FAM110B: variants seen among roughly 807,000 people sequenced by gnomAD.
FAM110B encodes family with sequence similarity 110 member B.
A neutral mutation model predicts 20.4 loss-of-function variants in FAM110B; 6 were observed. That is an observed-to-expected ratio of 0.29 (90% confidence interval 0.16 to 0.58). The LOEUF (loss-of-function observed/expected upper bound fraction) is 0.58, where lower values mean the gene tolerates loss of function less well. Among genes scored for constraint, FAM110B ranks in the 20% least tolerant of loss-of-function variants. The pLI is 0.90. For missense variants in FAM110B, 434 were observed against 498.2 expected (o/e 0.87, Z 1.23); for synonymous variants, 226 against 214.1 (o/e 1.06, Z -0.49).
At chr8:58,104,293 T>G (rs960846564) in intron 3 of FAM110B, among the ~76,000 whole-genome samples, 3 of 152,180 alleles carry the variant, frequency 2.0e-5, no homozygotes, top group African/African-American at 4.8e-5. Flanking sequence ...GGAAATCTAA[T>G]AAAGAGGTTT....
At chr8:58,092,115 A>G (rs182059831) in intron 3 of FAM110B, among the ~76,000 whole-genome samples, 16 of 152,096 alleles carry the variant, frequency 1.1e-4, no homozygotes, top group Non-Finnish European at 2.4e-4. Context: ...CCTTTTTCAT[A>G]TTTTACTTTC....
At chr8:58,062,908 C>T (rs938642644) in intron 2 of FAM110B, among the ~76,000 whole-genome samples, 1 of 152,188 alleles carries the variant, frequency 6.6e-6, no homozygotes, top group African/African-American at 2.4e-5. Flanking sequence ...ATATCTGGGC[C>T]TTCCTTAGCG....
chr8:58,130,715 T>C (rs1477171410), intron 3 of FAM110B, among the ~76,000 whole-genome samples: 1 of 147,040 alleles, frequency 6.8e-6, no homozygotes, highest in Non-Finnish European at 1.5e-5. Context: ...TATTACTCTA[T>C]GAATTCTTAG....
At chr8:58,053,103 C>T (rs1265256619) in intron 2 of FAM110B, among the ~76,000 whole-genome samples, 1 of 152,148 alleles carries the variant, frequency 6.6e-6, no homozygotes, top group African/African-American at 2.4e-5. Flanking sequence ...TGGACTCTTA[C>T]TGCTGTGATT....
Position 58,146,773 on chromosome 8 carries a change from G to A in FAM110B, c.543G>A (p.Val181=), listed in dbSNP as rs777975066. ...GCCCGCAGGAGGGCGGCTCCCACGT[G>A]GGCAGGAGACTGCTGGAGCAGTCAG... ...RRSPQEGGSH[V]GRRLLEQSAE... Residue 181 remains valine (V), a synonymous_variant, in exon 4 of 4, where the codon GTG becomes GTA. Coordinates refer to ENST00000519262, the MANE Select transcript of FAM110B (RefSeq NM_001377989.1). The A allele has an allele frequency of 1.2e-6, 2 of 1,611,516 alleles. No individual in the cohort carries two copies. The highest frequency in any genetic ancestry group is 1.7e-5 in the Admixed American group (1 of 59,876).
rs150750118 is a variant in FAM110B at position 58,018,284 on chromosome 8, C to T, written c.-511-13322C>T. 3.3e-3 allele frequency among the ~76,000 whole-genome samples: 509 copies of T among 152,184 alleles called. 5 individuals are homozygous for T. The highest frequency in any genetic ancestry group is 0.012 in the African/African-American group (488 of 41,530). On this transcript the variant is annotated intron_variant, in intron 1 of 3. Coordinates refer to ENST00000519262, the MANE Select transcript of FAM110B (RefSeq NM_001377989.1). ...TTAGTTGAAGTTCTATAATTAGGTA[C>T]ATGCACATTTAGAACTCTCAGGTCT...
chr8:58,030,754 G>T (rs1463124118), intron 1 of FAM110B, among the ~76,000 whole-genome samples: 3 of 152,198 alleles, frequency 2.0e-5, no homozygotes, highest in Non-Finnish European at 4.4e-5. Flanking sequence ...CATTTGGACT[G>T]ATGGTATCTG....
intron 3 of FAM110B, among the ~76,000 whole-genome samples, chr8:58,101,488 G>T (rs1432842032): frequency 1.3e-5 from 2 of 152,124 alleles, no homozygotes; most frequent in Non-Finnish European, 2.9e-5. Flanking sequence ...CAGATGGCAG[G>T]TGAACTCTCT....
intron 3 of FAM110B, among the ~76,000 whole-genome samples, chr8:58,090,619 C>T (rs997142780): frequency 1.1e-4 from 16 of 152,306 alleles, no homozygotes; most frequent in African/African-American, 3.8e-4. Flanking sequence ...AAGTTCTACT[C>T]AGATTTTCAA....
chr8:58,127,709 G>T (rs1263383183), intron 3 of FAM110B, among the ~76,000 whole-genome samples: 1 of 151,940 alleles, frequency 6.6e-6, no homozygotes, highest in East Asian at 1.9e-4. Flanking sequence ...ATTTACATTG[G>T]CTCAAAAAAA....
chr8:58,019,357 A>C (rs1804700737), intron 1 of FAM110B, among the ~76,000 whole-genome samples: 1 of 113,700 alleles, frequency 8.8e-6, no homozygotes, highest in Non-Finnish European at 1.7e-5. Context: ...AAAAAAAAAA[A>C]AAAGGAAAGA....
chr8:58,147,423 T>C lies in FAM110B; in HGVS notation c.*80T>C. The C allele has an allele frequency of 6.7e-7, 1 of 1,486,222 alleles. No homozygotes were observed. The highest frequency in any genetic ancestry group is 9.1e-7 in the Non-Finnish European group (1 of 1,097,096). The allele number at this position is 1,486,222 out of a possible 1,614,324, so 92.1% of individuals were successfully genotyped here. ...GTTGTGAGGTCTCCTTGAAGTGTTG[T>C]GAGCTTCTCCACTCTTTGTGTTGCT... On this transcript the variant is annotated 3_prime_UTR_variant, in exon 4 of 4. Transcript: ENST00000519262.
At chr8:58,024,661 T>G (rs986685623) in intron 1 of FAM110B, among the ~76,000 whole-genome samples, 1 of 152,150 alleles carries the variant, frequency 6.6e-6, no homozygotes, top group Non-Finnish European at 1.5e-5. Context: ...CAGCATTGAG[T>G]GAGTGTGTGC....
At chr8:58,106,804 C>A (rs1020875468) in intron 3 of FAM110B, among the ~76,000 whole-genome samples, 1 of 152,200 alleles carries the variant, frequency 6.6e-6, no homozygotes, top group Non-Finnish European at 1.5e-5. Context: ...AAGTCACACA[C>A]CATTCAGACT....
chr8:58,113,096 G>A (rs557692896), intron 3 of FAM110B: 6 of 152,048 alleles, frequency 3.9e-5, no homozygotes, highest in Non-Finnish European at 7.3e-5. Flanking sequence ...CATGGGGGGG[G>A]GCTCTGCCCT....
intron 3 of FAM110B, among the ~76,000 whole-genome samples, chr8:58,085,957 C>T (rs1486936296): frequency 6.6e-6 from 1 of 152,184 alleles, no homozygotes; most frequent in Non-Finnish European, 1.5e-5. Context: ...TGTAACTTTC[C>T]AAAATGTTTT....
intron 2 of FAM110B, among the ~76,000 whole-genome samples, chr8:58,058,525 T>G (rs1805593177): frequency 6.6e-6 from 1 of 152,168 alleles, no homozygotes; most frequent in South Asian, 2.1e-4. Flanking sequence ...TGATTAACTT[T>G]AAAATAAGGC....
chr8:58,143,321 T>C (rs1476863699), intron 3 of FAM110B, among the ~76,000 whole-genome samples: 1 of 152,234 alleles, frequency 6.6e-6, no homozygotes, highest in Non-Finnish European at 1.5e-5. Flanking sequence ...TTGTTTTTTT[T>C]CCTTCCCAGA....
chr8:58,094,311 A>C (rs1806565386), intron 3 of FAM110B, among the ~76,000 whole-genome samples: 1 of 152,172 alleles, frequency 6.6e-6, no homozygotes, highest in South Asian at 2.1e-4. Context: ...GAGAGAGGGC[A>C]TCCTTGTCTT....
Sources: allele counts gnomAD v4.1 joint callset (sites outside exome capture counted in the v4.1 genomes callset), GRCh38; gene constraint gnomAD v4.1.1; transcripts MANE v1.5; gene names NCBI Gene and HGNC (gene_info 2026-07-23, HGNC 2026-07-21).